Variants in LIMS2 observed in about 807,000 individuals in gnomAD.
The protein encoded by LIMS2 is LIM and senescent cell antigen-like-containing domain protein 2.
A neutral mutation model predicts 45.3 loss-of-function variants in LIMS2; 30 were observed. The ratio of observed to expected loss-of-function variants is 0.66; its 90% CI spans 0.50 to 0.90. The LOEUF is 0.90. LIMS2 is among the 40% of genes least tolerant of loss of function. The pLI is 0.00. For missense variants in LIMS2, 485 were observed against 468.7 expected (o/e 1.03, Z -0.32); for synonymous variants, 173 against 188.0 (o/e 0.92, Z 0.65).
chr2:127,648,628 G>A (rs930519352), intron 4 of LIMS2, among the ~76,000 whole-genome samples: 9 of 152,122 alleles, frequency 5.9e-5, no homozygotes, highest in African/African-American at 2.2e-4. Context: ...GGGGCTGGGC[G>A]CAGTGACTCA....
chr2:127,657,842 C>T (rs914180542), intron 1 of LIMS2, among the ~76,000 whole-genome samples: 7 of 152,158 alleles, frequency 4.6e-5, no homozygotes, highest in African/African-American at 1.7e-4. Context: ...CACAGGTGAG[C>T]GGCTCTGTAT....
intron 6 of LIMS2, chr2:127,641,539 G>C (rs1682404772): frequency 6.2e-6 from 1 of 162,186 alleles, no homozygotes; most frequent in African/African-American, 2.4e-5. Flanking sequence ...GCCACCCAAG[G>C]CACAGCTTCC....
intron 4 of LIMS2, chr2:127,650,786 G>T: frequency 1.2e-6 from 2 of 1,613,766 alleles, no homozygotes; most frequent in Non-Finnish European, 1.7e-6. Context: ...ACTTCTCCCT[G>T]GCCACGGCAG....
chr2:127,658,471 C>T (rs1054336913), intron 1 of LIMS2, among the ~76,000 whole-genome samples: 1 of 152,180 alleles, frequency 6.6e-6, no homozygotes, highest in Middle Eastern at 3.2e-3. Context: ...CTCATCCATA[C>T]TGGGCACTGC....
At position 127,668,689 on chromosome 2, in the gene LIMS2, AAAAAAAAAAAAAAAAAAAAAAACAC is replaced by A. The variant is rs1297170137; in HGVS notation, c.11+6300_11+6324del. Among the ~76,000 whole-genome samples the A allele has an allele frequency of 6.3e-4, 83 of 132,692 alleles. 1 individual carries two copies. The highest frequency in any genetic ancestry group is 2.5e-3 in the African/African-American group (79 of 31,812). 87.1% of individuals were successfully genotyped at this position (132,692 alleles called of 152,430 possible). Reference sequence around the variant, plus strand: ...GTCTCAAAAAAAAAAAAAAAAAAAAAAAAAAAAAAAAAAAAAAAAAAACACCTTACTTAAAAATTACAATTTACTT... The same window carrying A: ...GTCTCAAAAAAAAAAAAAAAAAAAAACTTACTTAAAAATTACAATTTACTT... On this transcript the variant is annotated intron_variant, in intron 1 of 9. Coordinates refer to ENST00000355119, the MANE Select transcript of LIMS2 (RefSeq NM_001161403.3).
upstream of LIMS2, among the ~76,000 whole-genome samples, chr2:127,676,407 CTTTT>C (rs10677718): frequency 4.3e-5 from 5 of 115,864 alleles, no homozygotes; most frequent in African/African-American, 1.1e-4. Flanking sequence ...GCAGTTGTTA[CTTTT>C]TTTTTTTTTT....
Position 127,647,810 on chromosome 2 carries a change from G to A in LIMS2, c.360-4738C>T, listed in dbSNP as rs905430958. 1.8e-4 allele frequency among the ~76,000 whole-genome samples: 28 copies of A among 151,860 alleles called. No homozygotes were observed. The highest frequency in any genetic ancestry group is 2.9e-4 in the Non-Finnish European group (20 of 67,954). On this transcript the variant is annotated intron_variant, in intron 4 of 9. Transcript: ENST00000355119. The surrounding 1 kb of genome is among the most constrained non-coding windows in gnomAD (Gnocchi z 4.3). The stretch of plus-strand genomic sequence containing the variant: ...CTGGAGCCCTGTTCCTCCAGTCTCC[G>A]GGTCCTCACCCCCAGCACATGCAAC...
chr2:127,656,585 T>C (rs1684271202), intron 2 of LIMS2, among the ~76,000 whole-genome samples: 1 of 152,102 alleles, frequency 6.6e-6, no homozygotes, highest in Non-Finnish European at 1.5e-5. Flanking sequence ...GGCTCATTTT[T>C]TGTATTTTTA....
At chr2:127,641,786 T>G in intron 6 of LIMS2, 1 of 423,428 alleles carries the variant, frequency 2.4e-6, no homozygotes, top group Non-Finnish European at 4.3e-6. Flanking sequence ...GACCTTGGAG[T>G]CTCTTAGAAT....
At chr2:127,643,094 G>GAAT (rs1682605058) in intron 4 of LIMS2, 22 bp from the exon 5 acceptor site, 1 of 1,552,248 alleles carries the variant, frequency 6.4e-7, no homozygotes, top group Non-Finnish European at 8.7e-7. Flanking sequence ...GGGGGCATTA[G>GAAT]GGGCAGAGCC....
At chr2:127,657,108 C>T (rs1220447785) in intron 2 of LIMS2, among the ~76,000 whole-genome samples, 1 of 152,206 alleles carries the variant, frequency 6.6e-6, no homozygotes, top group African/African-American at 2.4e-5. Flanking sequence ...ACTGTCTAGT[C>T]CCCAGGGAGG....
At position 127,653,885 on chromosome 2, in the gene LIMS2, A is replaced by G. The variant is rs147924052; in HGVS notation, c.359+539T>C. Among the ~76,000 whole-genome samples the G allele has an allele frequency of 5.7e-4, 87 of 152,032 alleles. No individual in the cohort carries two copies. The highest frequency in any genetic ancestry group is 9.1e-4 in the Non-Finnish European group (62 of 67,964). ...TGGCGTGGAGAAGCAAGCCCTGGAG[A>G]AAGTGTGGGGATGAACAGGGCTCAC... On this transcript the variant is annotated intron_variant, in intron 4 of 9. Transcript: ENST00000355119. The surrounding 1 kb of genome is among the most constrained non-coding windows in gnomAD (Gnocchi z 5.3).
rs937296021 is a variant in LIMS2, at chr2:127,671,065, G to A, written c.11+3949C>T. On this transcript the variant is annotated intron_variant, in intron 1 of 9. Transcript: ENST00000355119. The surrounding 1 kb of genome is among the most constrained non-coding windows in gnomAD (Gnocchi z 4.1). ...GAAATGTACACGCTACACCTCAACA[G>A]AACAAGCAAGACAGTGACAGTGCCT... Among the ~76,000 whole-genome samples the A allele has an allele frequency of 2.0e-5, 3 of 152,188 alleles. No homozygotes were observed. The highest frequency in any genetic ancestry group is 1.3e-4 in the Admixed American group (2 of 15,286).
chr2:127,641,529 G>A (rs890564482), intron 6 of LIMS2: 6 of 161,136 alleles, frequency 3.7e-5, no homozygotes, highest in East Asian at 1.8e-4. Context: ...CACCCAAGCC[G>A]CCACCCAAGG....
rs145307587 is a variant in LIMS2, at chr2:127,644,663, G to A, written c.360-1591C>T. On this transcript the variant is annotated intron_variant, in intron 4 of 9. Transcript: ENST00000355119. ...GAATTATTTCTGTCTCAAAGATGCAGGAATCAGCTCAACGCCTCAAAACTC... is the reference window on the plus strand; with the variant it reads ...GAATTATTTCTGTCTCAAAGATGCAAGAATCAGCTCAACGCCTCAAAACTC... 4.6e-5 allele frequency among the ~76,000 whole-genome samples: 7 copies of A among 152,356 alleles called. No homozygotes were observed. The East Asian group carries it at 1.3e-3, about 29-fold the overall frequency.
intron 1 of LIMS2, among the ~76,000 whole-genome samples, chr2:127,663,786 T>A (rs992504794): frequency 9.2e-5 from 14 of 152,266 alleles, no homozygotes; most frequent in East Asian, 7.8e-4. Context: ...CTCCTCCTCA[T>A]GCCCCTGACC....
intron 4 of LIMS2, among the ~76,000 whole-genome samples, chr2:127,644,402 A>T (rs1682742768): frequency 6.6e-6 from 1 of 152,174 alleles, no homozygotes; most frequent in Non-Finnish European, 1.5e-5. Context: ...CTGTGGCTTC[A>T]GTCTTCATCA....
intron 1 of LIMS2, among the ~76,000 whole-genome samples, chr2:127,659,361 A>G (rs1453021144): frequency 6.6e-6 from 1 of 152,208 alleles, no homozygotes; most frequent in East Asian, 1.9e-4. Context: ...GGAGTTGGGA[A>G]GAAACCAAGA....
intron 7 of LIMS2, chr2:127,640,603 GC>G (rs1558866707): frequency 3.3e-6 from 2 of 598,600 alleles, no homozygotes; most frequent in African/African-American, 3.7e-5. Flanking sequence ...TCCCACCAGC[GC>G]CCCCTGCCTT....
Sources: gnomAD v4.1 joint callset for allele counts (sites outside exome capture counted in the v4.1 genomes callset) on GRCh38, gnomAD v4.1.1 for gene constraint, Gnocchi (gnomAD v3.1) non-coding constraint, MANE v1.5 for transcripts, NCBI Gene and HGNC (gene_info 2026-07-23, HGNC 2026-07-21) for gene names.